ATAD3C: variants seen among roughly 807,000 people sequenced by gnomAD.
ATAD3C encodes ATPase family AAA domain containing 3C, also known as ATPase family AAA domain-containing protein 3C.
In ATAD3C, 38 loss-of-function variants were observed where a neutral mutation model predicts 46.3. That is an observed-to-expected ratio of 0.82 (90% confidence interval 0.63 to 1.08). ATAD3C has a LOEUF of 1.08. Ranked by LOEUF, ATAD3C falls within the 50% of genes least tolerant of loss-of-function variation. The pLI is 0.00. For missense variants in ATAD3C, 563 were observed against 572.7 expected, an observed-to-expected ratio of 0.98 and a Z score of 0.17; for synonymous variants, 220 against 236.4, an observed-to-expected ratio of 0.93 and a Z score of 0.63.
intron 6 of ATAD3C, 48 bp from the exon 7 acceptor site, chr1:1,456,177 G>A: frequency 6.5e-7 from 1 of 1,537,910 alleles, no homozygotes; most frequent in Non-Finnish European, 8.7e-7. Flanking sequence ...AGGCTTTGCA[G>A]AGGCGGAGGG....
intron 11 of ATAD3C, among the ~76,000 whole-genome samples, chr1:1,464,821 G>A (rs1454175607): frequency 6.6e-6 from 1 of 151,930 alleles, no homozygotes; most frequent in Non-Finnish European, 1.5e-5. Flanking sequence ...CATAATTGAG[G>A]TTTTCACAGG....
chr1:1,456,985 C>T lies in ATAD3C; in HGVS notation c.690-144C>T, dbSNP rs552528874. 1.7e-3 allele frequency: 1,869 copies of T among 1,131,814 alleles called. 24 individuals carry two copies. Among genetic ancestry groups the T allele is most frequent in the South Asian group, 0.012 (922 of 74,214 alleles). The allele number at this position is 1,131,814 out of a possible 1,614,324, so 70.1% of individuals were successfully genotyped here. On this transcript the variant is annotated intron_variant, in intron 7 of 11. Coordinates refer to ENST00000378785, the MANE Select transcript of ATAD3C (RefSeq NM_001039211.3). ...CTTCTGTCGGTGGATCAGCTTCTGT[C>T]AGGTCCAGGACTTAGGGCTCCGTGG... is the stretch of plus-strand genomic sequence containing the variant.
intron 11 of ATAD3C, among the ~76,000 whole-genome samples, chr1:1,467,439 G>A (rs550301388): frequency 3.9e-5 from 6 of 152,064 alleles, no homozygotes; most frequent in African/African-American, 9.7e-5. Flanking sequence ...GTCCGGCTCC[G>A]GTCAGTGTCT....
Position 1,462,722 on chromosome 1 carries a change from G to A in ATAD3C, c.1089+14G>A, listed in dbSNP as rs768358809. 5.0e-6 allele frequency: 8 copies of A among 1,591,684 alleles called. No homozygotes were observed. The highest frequency in any genetic ancestry group is 2.3e-5 in the East Asian group (1 of 44,202). On this transcript the variant is annotated intron_variant, in intron 11 of 11. Coordinates refer to ENST00000378785, the MANE Select transcript of ATAD3C (RefSeq NM_001039211.3). The surrounding 1 kb of genome is among the most constrained non-coding windows in gnomAD (Gnocchi z 4.5). Reference sequence around the variant, plus strand: ...GTGTCCTGGCAGGTGAGTCAGGCTCGGGTGCACCCACCCAGATGGAAGCCC... The same window carrying A: ...GTGTCCTGGCAGGTGAGTCAGGCTCAGGTGCACCCACCCAGATGGAAGCCC...
In ATAD3C at chr1:1,460,766, G is replaced by A. The variant is rs755759517; in HGVS notation, c.829G>A (p.Ala277Thr). Residue 277 changes from alanine to threonine, a missense_variant, in exon 10 of 12, where the codon GCC (alanine) becomes ACC (threonine). Transcript: ENST00000378785. ...GCCCCGCAGATTCATGCTGATCCTG[G>A]CCAGCTGCCACCCCGAGCAGTTCGA... ...QHSNKFMLIL[A>T]SCHPEQFDWA... 83 of 1,608,350 alleles carry A rather than the reference G, an allele frequency of 5.2e-5. 3 individuals carry two copies. The highest frequency in any genetic ancestry group is 1.4e-5 in the Non-Finnish European group (17 of 1,177,212).
At position 1,456,153 on chromosome 1, in the gene ATAD3C, C is replaced by T. The variant is rs989756320; in HGVS notation, c.565-72C>T. On this transcript the variant is annotated intron_variant, in intron 6 of 11. Coordinates refer to ENST00000378785, the MANE Select transcript of ATAD3C (RefSeq NM_001039211.3). ...GACGCTGGGCAGAGCCTCCACACTC[C>T]GGGTGGAGTGTGCAGGCTTTGCAGA... 28 of 1,542,126 alleles carry T rather than the reference C, an allele frequency of 1.8e-5. 1 individual carries two copies. The highest frequency in any genetic ancestry group is 2.2e-5 in the Non-Finnish European group (25 of 1,153,750).
chr1:1,457,254 C>T (rs373764722), intron 8 of ATAD3C, 74 bp downstream of exon 8: 64 of 1,599,700 alleles, frequency 4.0e-5, no homozygotes, highest in African/African-American at 2.1e-4. Context: ...TGGGCCAGGC[C>T]GCAGCCCACT....
intron 9 of ATAD3C, among the ~76,000 whole-genome samples, chr1:1,460,418 C>A (rs887974002): frequency 3.7e-4 from 57 of 152,002 alleles, no homozygotes; most frequent in Admixed American, 1.3e-4. Context: ...CTGGGTCCCG[C>A]ATCCCTGCTC....
chr1:1,457,247 G>A, intron 8 of ATAD3C, 67 bp downstream of exon 8: 3 of 1,605,812 alleles, frequency 1.9e-6, no homozygotes, highest in Non-Finnish European at 2.6e-6. Flanking sequence ...GTCATCCTGG[G>A]CCAGGCCGCA....
chr1:1,457,317 A>G (rs1638980426), intron 8 of ATAD3C, 137 bp downstream of exon 8: 1 of 1,426,762 alleles, frequency 7.0e-7, no homozygotes, highest in Admixed American at 1.9e-5. Flanking sequence ...ATTTTTGGCC[A>G]GGTGTGGAGG....
Position 1,450,693 on chromosome 1 carries a change from G to T in ATAD3C, c.10G>T (p.Asp4Tyr). 5.6e-6 allele frequency: 9 copies of T among 1,612,860 alleles called. No individual in the cohort carries two copies. The highest frequency in any genetic ancestry group is 7.6e-6 in the Non-Finnish European group (9 of 1,179,352). The stretch of plus-strand genomic sequence containing the variant: ...CCTGCATCTGCAGGCCATGTCAAAG[G>T]ACGCCCTGAATCTGGCGCAGATGCA... MSK[D>Y]ALNLAQMQEQ... Residue 4 changes from aspartate to tyrosine, a missense_variant, in exon 1 of 12, where the codon GAC becomes TAC. Transcript: ENST00000378785.
intron 9 of ATAD3C, among the ~76,000 whole-genome samples, chr1:1,460,175 C>T (rs1164292315): frequency 4.0e-5 from 6 of 150,998 alleles, no homozygotes; most frequent in East Asian, 2.0e-4. Context: ...TGGGTTCAAG[C>T]GATTCTCCTA....
chr1:1,457,301 C>T, intron 8 of ATAD3C, 121 bp downstream of exon 8: 3 of 1,534,798 alleles, frequency 2.0e-6, no homozygotes, highest in East Asian at 2.3e-5. Context: ...GTGTGAAAAA[C>T]ACAGCATTTT....
intron 10 of ATAD3C, among the ~76,000 whole-genome samples, chr1:1,461,678 ATG>A (rs1639068465): frequency 1.3e-5 from 2 of 150,726 alleles, no homozygotes; most frequent in East Asian, 3.9e-4. Flanking sequence ...TGAGACCCCC[ATG>A]TAGGGACTGG....
intron 4 of ATAD3C, among the ~76,000 whole-genome samples, chr1:1,454,883 G>T (rs1012585427): frequency 6.6e-6 from 1 of 151,916 alleles, no homozygotes; most frequent in African/African-American, 2.4e-5. Flanking sequence ...CCACACGGGG[G>T]TGGCAGTGTC....
chr1:1,468,484 T>G lies in ATAD3C; in HGVS notation c.1190T>G (p.Leu397Arg). ...CAGCACCAGCAGATGATGCGCTGGC[T>G]GAAGGGGGAGAGGCCTGGGCCCGAG... is the stretch of plus-strand genomic sequence containing the variant. ...VQQHQQMMRW[L>R]KGERPGPEDE... The change falls in exon 12 of 12, where the codon CTG becomes CGG. Residue 397 changes from leucine to arginine, a missense_variant. By Grantham distance (102) the Leu-to-Arg change is moderately radical (BLOSUM62 -2). Around this residue, in one of 3 missense-constraint regions of ATAD3C, gnomAD observed 273 missense variants for 253.5 expected, o/e 1.08. Transcript: ENST00000378785. 1 of 1,612,028 alleles carries G rather than the reference T, an allele frequency of 6.2e-7. No homozygotes were observed. The highest frequency in any genetic ancestry group is 8.5e-7 in the Non-Finnish European group (1 of 1,179,112).
Position 1,450,606 on chromosome 1 carries a change from C to G in ATAD3C, c.-78C>G. On this transcript the variant is annotated 5_prime_UTR_variant, in exon 1 of 12. Coordinates refer to ENST00000378785, the MANE Select transcript of ATAD3C (RefSeq NM_001039211.3). ...CGTGGCCGTGGATTCCAGAAAGCCC[C>G]TTGGCTGGTGTGCGTGCCTGCCCAG... is the stretch of plus-strand genomic sequence containing the variant. The G allele has an allele frequency of 2.6e-6, 4 of 1,537,412 alleles. No homozygotes were observed. The highest frequency in any genetic ancestry group is 3.5e-6 in the Non-Finnish European group (4 of 1,132,804).
At position 1,460,941 on chromosome 1, in the gene ATAD3C, C is replaced by T. The variant is rs761951419; in HGVS notation, c.980+24C>T. Reference sequence around the variant, plus strand: ...CGGTAAGTGTCCCGCCCCACCAGCCCCCGTCCAGGGGCCCTCGCTCAGGGT... The same window carrying T: ...CGGTAAGTGTCCCGCCCCACCAGCCTCCGTCCAGGGGCCCTCGCTCAGGGT... On this transcript the variant is annotated intron_variant, in intron 10 of 11. Coordinates refer to ENST00000378785, the MANE Select transcript of ATAD3C (RefSeq NM_001039211.3). 2.8e-4 allele frequency: 445 copies of T among 1,588,248 alleles called. 4 individuals carry two copies. The highest frequency in any genetic ancestry group is 3.6e-4 in the Non-Finnish European group (423 of 1,165,828).
intron 3 of ATAD3C, among the ~76,000 whole-genome samples, chr1:1,452,797 C>CAAAAAA (rs150422909): frequency 7.9e-6 from 1 of 126,396 alleles, no homozygotes; most frequent in South Asian, 2.5e-4. Flanking sequence ...GGCTCCTTCT[C>CAAAAAA]AAAAAAAAAA....
Sources: gnomAD v4.1 joint callset for allele counts (sites outside exome capture counted in the v4.1 genomes callset) on GRCh38, gnomAD v4.1.1 for gene constraint, gnomAD v4.1.1 regional missense constraint, Gnocchi (gnomAD v3.1) non-coding constraint, MANE v1.5 for transcripts, NCBI Gene and HGNC (gene_info 2026-07-23, HGNC 2026-07-21) for gene names.